The following FNBP1L variants were observed in gnomAD, a reference collection of about 807,000 sequenced individuals.
FNBP1L encodes the protein formin-binding protein 1-like.
FNBP1L carries 36 observed loss-of-function variants against 91.2 expected under a neutral mutation model. That is an observed-to-expected ratio of 0.39 (90% confidence interval 0.30 to 0.52). The LOEUF (loss-of-function observed/expected upper bound fraction) is 0.52. FNBP1L is among the 20% of genes least tolerant of loss of function. The pLI is 0.66. For missense variants in FNBP1L, 571 were observed against 732.1 expected (o/e 0.78, Z 2.54); for synonymous variants, 242 against 237.0 (o/e 1.02, Z -0.19).
At chr1:93,479,425 A>G (rs185013154) in intron 1 of FNBP1L, among the ~76,000 whole-genome samples, 45 of 152,248 alleles carry the variant, frequency 3.0e-4, no homozygotes, top group Middle Eastern at 6.8e-3. Flanking sequence ...ACAACAGAAA[A>G]CAGCGTTCCA....
At chr1:93,450,968 C>T (rs989708272) in intron 1 of FNBP1L, among the ~76,000 whole-genome samples, 13 of 152,058 alleles carry the variant, frequency 8.5e-5, no homozygotes, top group South Asian at 2.1e-4. Context: ...ACTTTGGTTG[C>T]GTAGTTGTTA....
chr1:93,462,392 A>G (rs568863739), intron 1 of FNBP1L, among the ~76,000 whole-genome samples: 9 of 152,260 alleles, frequency 5.9e-5, no homozygotes, highest in South Asian at 4.1e-4. Context: ...AACATCCTAC[A>G]TTAGTATGGT....
intron 5 of FNBP1L, among the ~76,000 whole-genome samples, chr1:93,527,731 A>G (rs1036040643): frequency 6.6e-6 from 1 of 152,160 alleles, no homozygotes; most frequent in Non-Finnish European, 1.5e-5. Flanking sequence ...ATAAGAGCAG[A>G]TATCCAAGGA....
chr1:93,520,041 T>A (rs1252048270), intron 2 of FNBP1L, among the ~76,000 whole-genome samples: 1 of 152,228 alleles, frequency 6.6e-6, no homozygotes, highest in Non-Finnish European at 1.5e-5. Context: ...TCTTGCCTGT[T>A]CTTTTTCCAC....
intron 1 of FNBP1L, among the ~76,000 whole-genome samples, chr1:93,492,296 G>A (rs1670119179): frequency 6.6e-6 from 1 of 152,046 alleles, no homozygotes; most frequent in African/African-American, 2.4e-5. Context: ...ACAACAAGAA[G>A]AGAAAAGCCA....
At chr1:93,501,638 A>C (rs1044475790) in intron 2 of FNBP1L, among the ~76,000 whole-genome samples, 1 of 152,106 alleles carries the variant, frequency 6.6e-6, no homozygotes, top group South Asian at 2.1e-4. Flanking sequence ...TTGGGAATCA[A>C]ATTTCAACAT....
chr1:93,488,348 G>A (rs1336685278), intron 1 of FNBP1L: 1 of 152,190 alleles, frequency 6.6e-6, no homozygotes, highest in South Asian at 2.1e-4. Context: ...GTAGCACCCA[G>A]TATACCCAAG....
At chr1:93,517,746 G>T (rs764833288) in intron 2 of FNBP1L, among the ~76,000 whole-genome samples, 6 of 151,546 alleles carry the variant, frequency 4.0e-5, no homozygotes, top group Non-Finnish European at 7.4e-5. Flanking sequence ...TTCCTTCCCT[G>T]TTAAATTTGT....
rs149449287 is a variant in FNBP1L, at chr1:93,545,068, A to G, written c.1274+852A>G. ...GTAAAAACACCTTATTTCATATATG[A>G]TGTTGATTTATTAACTTTGATTTTT... is the stretch of plus-strand genomic sequence containing the variant. On this transcript the variant is annotated intron_variant, in intron 12 of 16. Transcript: ENST00000271234. Among the ~76,000 whole-genome samples, 290 of 152,218 alleles carry G rather than the reference A, an allele frequency of 1.9e-3. 2 individuals carry two copies. The highest frequency in any genetic ancestry group is 6.7e-3 in the African/African-American group (279 of 41,552).
At chr1:93,449,337 C>A (rs1220666238) in intron 1 of FNBP1L, among the ~76,000 whole-genome samples, 1 of 152,100 alleles carries the variant, frequency 6.6e-6, no homozygotes, top group Non-Finnish European at 1.5e-5. Context: ...GGGGCGCTGT[C>A]CCGAGAGCCG....
At chr1:93,454,230 A>G (rs542104618) in intron 1 of FNBP1L, among the ~76,000 whole-genome samples, 8 of 152,172 alleles carry the variant, frequency 5.3e-5, no homozygotes, top group Non-Finnish European at 1.0e-4. Context: ...TGAGTGCACA[A>G]TGTCTGAAAG....
chr1:93,512,866 G>T, intron 2 of FNBP1L, among the ~76,000 whole-genome samples: 1 of 151,952 alleles, frequency 6.6e-6, no homozygotes, highest in East Asian at 1.9e-4. Flanking sequence ...AAAAGAACTA[G>T]AAAAGCAAGA....
intron 2 of FNBP1L, among the ~76,000 whole-genome samples, chr1:93,505,490 C>T (rs1331623959): frequency 6.6e-6 from 1 of 152,026 alleles, no homozygotes; most frequent in South Asian, 2.1e-4. Context: ...GAGGAAGTAA[C>T]TTGTGGAATG....
At chr1:93,465,192 TTG>T (rs928252787) in intron 1 of FNBP1L, among the ~76,000 whole-genome samples, 2 of 18,322 alleles carry the variant, frequency 1.1e-4, no homozygotes, top group African/African-American at 2.4e-4. Flanking sequence ...TGTCTCTTTT[TTG>T]GGGGGGGGGG....
chr1:93,512,911 A>G (rs1180390295), intron 2 of FNBP1L, among the ~76,000 whole-genome samples: 1 of 152,060 alleles, frequency 6.6e-6, no homozygotes, highest in African/African-American at 2.4e-5. Context: ...AAGGCAAGAA[A>G]TAACTGAAAT....
At chr1:93,468,587 C>T (rs921836586) in intron 1 of FNBP1L, among the ~76,000 whole-genome samples, 9 of 152,088 alleles carry the variant, frequency 5.9e-5, no homozygotes, top group Admixed American at 4.6e-4. Flanking sequence ...CGTGCCATGA[C>T]GCCTGGCTAA....
Position 93,516,616 on chromosome 1 carries a change from G to A in FNBP1L, c.141-5466G>A, listed in dbSNP as rs576107124. On this transcript the variant is annotated intron_variant, in intron 2 of 16. Coordinates refer to ENST00000271234, the MANE Select transcript of FNBP1L (RefSeq NM_001164473.3). The stretch of plus-strand genomic sequence containing the variant: ...TCAGGAGTTTGAGATCGGCCTGACT[G>A]ACATGGTGAAACCCCGTCTCCGCTA... 2.2e-3 allele frequency among the ~76,000 whole-genome samples: 340 copies of A among 152,056 alleles called. 5 individuals are homozygous for A. Among genetic ancestry groups the A allele is most frequent in the Non-Finnish European group, 9.0e-4 (61 of 67,964 alleles).
intron 16 of FNBP1L, 142 bp downstream of exon 16, chr1:93,551,247 G>T: frequency 7.2e-7 from 1 of 1,379,512 alleles, no homozygotes; most frequent in Non-Finnish European, 9.4e-7. Flanking sequence ...TGTTCACTAT[G>T]TGAGCTGAGT....
At chr1:93,536,182 A>T in intron 9 of FNBP1L, 150 bp from the exon 10 acceptor site, 1 of 511,860 alleles carries the variant, frequency 2.0e-6, no homozygotes, top group East Asian at 3.5e-5. Flanking sequence ...AGTTTTGGGC[A>T]AAACTATGTT....
Sources: gnomAD v4.1 joint callset for allele counts (sites outside exome capture counted in the v4.1 genomes callset) on GRCh38, gnomAD v4.1.1 for gene constraint, MANE v1.5 for transcripts, NCBI Gene and HGNC (gene_info 2026-07-23, HGNC 2026-07-21) for gene names.